The following BTD variants were observed in gnomAD, a reference collection of about 807,000 sequenced individuals.
BTD encodes the protein biotinidase.
BTD carries 13 observed loss-of-function variants against 17.7 expected under a neutral mutation model. The ratio of observed to expected loss-of-function variants is 0.74; its 90% CI spans 0.48 to 1.17. The LOEUF is 1.17. BTD is among the 50% of genes most tolerant of loss of function. The pLI, the probability that BTD is intolerant of heterozygous loss-of-function variation, is 0.00. For missense variants in BTD, 674 were observed against 650.4 expected (o/e 1.04, Z -0.39); for synonymous variants, 240 against 245.2 (o/e 0.98, Z 0.20).
At chr3:15,704,067 A>G (rs930540359) in intron 3 of BTD, among the ~76,000 whole-genome samples, 1 of 152,180 alleles carries the variant, frequency 6.6e-6, no homozygotes, top group Non-Finnish European at 1.5e-5. Context: ...GAAGACCCAC[A>G]TGACATCCTG....
chr3:15,686,409 T>A, intron 3 of BTD: 1 of 924,842 alleles, frequency 1.1e-6, no homozygotes, highest in East Asian at 2.6e-5. Context: ...TTTGGGATAG[T>A]TGCACTGAAT....
At chr3:15,680,370 GC>G (rs2067414616) in intron 3 of BTD, among the ~76,000 whole-genome samples, 1 of 151,680 alleles carries the variant, frequency 6.6e-6, no homozygotes. Flanking sequence ...TGCCCAGCTA[GC>G]TTTTTTCGTA....
At chr3:15,618,499 G>A (rs1048640064) in intron 1 of BTD, among the ~76,000 whole-genome samples, 24 of 152,016 alleles carry the variant, frequency 1.6e-4, no homozygotes, top group African/African-American at 5.6e-4. Context: ...TGTAGGGTAC[G>A]AATATAAATA....
chr3:15,668,487 A>C (rs1000646558), intron 3 of BTD: 5 of 152,554 alleles, frequency 3.3e-5, no homozygotes, highest in African/African-American at 1.2e-4. Context: ...AAGATGGGGG[A>C]TTAGATTTAT....
In BTD at chr3:15,648,447, G is replaced by A. The variant is rs2065742867; in HGVS notation, c.*2959G>A. The stretch of plus-strand genomic sequence containing the variant: ...TTCATTCCCTAACCTCCCTTTGAAT[G>A]TTAGTTACCTATTCCCACATAACAA... On this transcript the variant is annotated 3_prime_UTR_variant, in exon 4 of 4. Coordinates refer to ENST00000643237, the MANE Select transcript of BTD (RefSeq NM_001370658.1). 6.6e-6 allele frequency among the ~76,000 whole-genome samples: 1 copy of A among 152,146 alleles called. No homozygotes were observed. The highest frequency in any genetic ancestry group is 2.4e-5 in the African/African-American group (1 of 41,438).
intron 3 of BTD, among the ~76,000 whole-genome samples, chr3:15,699,101 T>A (rs182063873): frequency 2.2e-4 from 33 of 152,230 alleles, no homozygotes; most frequent in African/African-American, 7.5e-4. Flanking sequence ...TCTACAACCA[T>A]CTGATTTTTG....
At chr3:15,706,533 A>G (rs112343801) in intron 3 of BTD, among the ~76,000 whole-genome samples, 6,607 of 152,220 alleles carry the variant, frequency 0.043, 391 homozygotes, top group African/African-American at 0.14. Context: ...TATTGTGAAT[A>G]GTGTCACAAT....
intron 3 of BTD, chr3:15,675,920 A>C: frequency 6.2e-7 from 1 of 1,612,878 alleles, no homozygotes; most frequent in Non-Finnish European, 8.5e-7. Context: ...CTGCAAGCAC[A>C]CTTGCTCCTT....
intron 1 of BTD, among the ~76,000 whole-genome samples, chr3:15,602,703 C>T (rs542794291): frequency 1.1e-4 from 16 of 152,018 alleles, no homozygotes; most frequent in South Asian, 6.2e-4. Context: ...GGAAGTGAAA[C>T]GATTTCTAAA....
chr3:15,641,265 T>C (rs1333491890), intron 2 of BTD, among the ~76,000 whole-genome samples: 1 of 152,138 alleles, frequency 6.6e-6, no homozygotes, highest in South Asian at 2.1e-4. Flanking sequence ...TCAAGCGAGT[T>C]CTTGTTTCCA....
At chr3:15,630,388 A>G (rs1312517901) in intron 1 of BTD, among the ~76,000 whole-genome samples, 1 of 152,240 alleles carries the variant, frequency 6.6e-6, no homozygotes, top group Non-Finnish European at 1.5e-5. Flanking sequence ...CCTTCTGTCT[A>G]TAGAAAGTGA....
At chr3:15,711,178 T>G (rs778443729) in exon 4 of BTD, 1 of 1,565,102 alleles carries the variant, frequency 6.4e-7, no homozygotes, top group Non-Finnish European at 8.7e-7. Context: ...CCAGCTATCT[T>G]TTCTTAAAGA....
intron 1 of BTD, among the ~76,000 whole-genome samples, chr3:15,610,278 G>C (rs1394247257): frequency 2.6e-5 from 4 of 152,232 alleles, no homozygotes; most frequent in African/African-American, 9.6e-5. Flanking sequence ...CTACCACTCA[G>C]CAGGCTAGCT....
downstream of BTD, among the ~76,000 whole-genome samples, chr3:15,716,790 C>T (rs373009152): frequency 6.6e-6 from 1 of 152,134 alleles, no homozygotes; most frequent in African/African-American, 2.4e-5. Context: ...GCACGTTTCA[C>T]GCACAGTTTT....
chr3:15,665,343 C>G (rs116609176), intron 3 of BTD, among the ~76,000 whole-genome samples: 2,579 of 152,268 alleles, frequency 0.017, 71 homozygotes, highest in African/African-American at 0.058. Context: ...ACACAGTTAA[C>G]ACACCAGAGA....
Position 15,628,716 on chromosome 3 carries a change from ATTTTCCT to A in BTD, c.-16-6706_-16-6700del, listed in dbSNP as rs778769798. Among the ~76,000 whole-genome samples, 7 of 152,134 alleles carry A rather than the reference ATTTTCCT, an allele frequency of 4.6e-5. No individual in the cohort carries two copies. In the East Asian group the frequency reaches 1.2e-3, roughly 25 times the overall value. On this transcript the variant is annotated intron_variant, in intron 1 of 3. Coordinates refer to ENST00000643237, the MANE Select transcript of BTD (RefSeq NM_001370658.1). ...CAGTGGAAAAGCTTTATGTGTGTGT[ATTTTCCT>A]TGCTGCCTGGTCAAGGTCTCCAATC... is the stretch of plus-strand genomic sequence containing the variant.
At chr3:15,637,684 A>T (rs570603463) in intron 2 of BTD, among the ~76,000 whole-genome samples, 1 of 152,236 alleles carries the variant, frequency 6.6e-6, no homozygotes, top group Admixed American at 6.5e-5. Flanking sequence ...GAGGGCAGGC[A>T]TTCTCTTGAT....
In BTD at chr3:15,650,426, TTTTG is replaced by T. The variant is rs1355689576; in HGVS notation, c.*4943_*4946del. 3.6e-5 allele frequency among the ~76,000 whole-genome samples: 3 copies of T among 84,118 alleles called. No homozygotes were observed. Among genetic ancestry groups the T allele is most frequent in the South Asian group, 4.8e-4 (1 of 2,066 alleles). 55.2% of individuals were successfully genotyped at this position (84,118 alleles called of 152,430 possible). A position where few individuals can be genotyped will look rare whatever the true frequency, so the allele number is the denominator to read the frequency against. On this transcript the variant is annotated 3_prime_UTR_variant, in exon 4 of 4. Transcript: ENST00000643237. ...CTTCTCATTCTCTTCATCTTTTTCT[TTTTG>T]TTTGAGCAAAAAAAAAAAAGAATAT...
intron 1 of BTD, among the ~76,000 whole-genome samples, chr3:15,624,627 G>GTT (rs76866577): frequency 1.3e-4 from 19 of 142,312 alleles, no homozygotes; most frequent in African/African-American, 2.6e-4. Context: ...GTTGGCTGTT[G>GTT]TTTTTTTTTT....
Sources: allele counts gnomAD v4.1 joint callset (sites outside exome capture counted in the v4.1 genomes callset), GRCh38; gene constraint gnomAD v4.1.1; transcripts MANE v1.5; gene names NCBI Gene and HGNC (gene_info 2026-07-23, HGNC 2026-07-21).